The following PTPRD variants were observed in gnomAD, a reference collection of about 807,000 sequenced individuals.
PTPRD encodes the protein protein tyrosine phosphatase receptor type D, also known as receptor-type tyrosine-protein phosphatase delta.
In PTPRD, 34 loss-of-function variants were observed where a neutral mutation model predicts 214.5. That is an observed-to-expected ratio of 0.16 (90% CI 0.12 to 0.21). The LOEUF is 0.21. Among genes scored for constraint, PTPRD ranks in the 10% least tolerant of loss-of-function variants. The probability of loss-of-function intolerance (pLI) is 1.00; values close to 1 mark genes in which losing one functional copy is unlikely to be tolerated. For missense variants in PTPRD, 2,545 were observed against 2,398.7 expected (o/e 1.06, Z -1.27); for synonymous variants, 1,128 against 845.7 (o/e 1.33, Z -5.79).
At chr9:8,532,200 G>C (rs577984465) in intron 14 of PTPRD, among the ~76,000 whole-genome samples, 167 of 152,102 alleles carry the variant, frequency 1.1e-3, no homozygotes, top group African/African-American at 3.9e-3. Flanking sequence ...GCTGTTACAC[G>C]TTGACAGTTG....
intron 3 of PTPRD, among the ~76,000 whole-genome samples, chr9:10,039,280 AC>A (rs2154140397): frequency 6.6e-6 from 1 of 152,242 alleles, no homozygotes; most frequent in African/African-American, 2.4e-5. Flanking sequence ...GAAAATGAAT[AC>A]AAAGAAAGAC....
chr9:9,944,104 A>G lies in PTPRD; in HGVS notation c.-471-5494T>C, dbSNP rs80132083. Among the ~76,000 whole-genome samples the G allele has an allele frequency of 4.8e-3, 732 of 152,306 alleles. 6 individuals are homozygous for G. The highest frequency in any genetic ancestry group is 0.017 in the African/African-American group (707 of 41,574). On this transcript the variant is annotated intron_variant, in intron 4 of 45. Coordinates refer to ENST00000381196, the MANE Select transcript of PTPRD (RefSeq NM_002839.4). ...AGGAGAAAGGCTTAGCCTGTTAGTC[A>G]CAAGACAGAAAACCTTCCAGTGACG...
At chr9:10,247,211 C>A (rs2092249038) in intron 3 of PTPRD, among the ~76,000 whole-genome samples, 1 of 152,110 alleles carries the variant, frequency 6.6e-6, no homozygotes, top group African/African-American at 2.4e-5. Flanking sequence ...CCTAGAGAGA[C>A]AATAGTATCT....
At chr9:10,479,606 C>A (rs890229954) in intron 2 of PTPRD, among the ~76,000 whole-genome samples, 4 of 114,776 alleles carry the variant, frequency 3.5e-5, no homozygotes. Context: ...CACGGTGAAA[C>A]CCCATCTCTA....
intron 9 of PTPRD, among the ~76,000 whole-genome samples, chr9:9,241,113 G>A (rs572187431): frequency 1.3e-5 from 2 of 152,206 alleles, no homozygotes; most frequent in Admixed American, 6.6e-5. Context: ...GAATTAATTC[G>A]TGGGTCTAAA....
At chr9:9,779,443 C>T (rs2098826083) in intron 5 of PTPRD, among the ~76,000 whole-genome samples, 1 of 152,112 alleles carries the variant, frequency 6.6e-6, no homozygotes. Context: ...GAAATATTCA[C>T]AACCTATGCA....
chr9:10,317,103 A>C (rs895608611), intron 3 of PTPRD, among the ~76,000 whole-genome samples: 9 of 151,958 alleles, frequency 5.9e-5, no homozygotes, highest in African/African-American at 2.2e-4. Flanking sequence ...TTCCCTTGTG[A>C]CACTGGCTAT....
chr9:10,027,670 C>T lies in PTPRD; in HGVS notation c.-472+6048G>A, dbSNP rs564451726. Among the ~76,000 whole-genome samples, 138 of 152,030 alleles carry T rather than the reference C, an allele frequency of 9.1e-4. 1 individual carries two copies. The highest frequency in any genetic ancestry group is 3.1e-3 in the African/African-American group (128 of 41,450). ...GAAAAATTTTGAGCATTGAACTTGTCATGGTTATGGCAAAAAATACATTTT... is the reference window on the plus strand; with the variant it reads ...GAAAAATTTTGAGCATTGAACTTGTTATGGTTATGGCAAAAAATACATTTT... On this transcript the variant is annotated intron_variant, in intron 4 of 45. Transcript: ENST00000381196.
chr9:8,434,840 A>C (rs944727996), intron 35 of PTPRD, among the ~76,000 whole-genome samples: 1 of 152,192 alleles, frequency 6.6e-6, no homozygotes, highest in African/African-American at 2.4e-5. Flanking sequence ...CTAAGCCCTA[A>C]ATTAGAAACT....
Position 9,674,383 on chromosome 9 carries a change from G to C in PTPRD, c.-287+60150C>G, listed in dbSNP as rs141204152. Among the ~76,000 whole-genome samples, 336 of 151,412 alleles carry C rather than the reference G, an allele frequency of 2.2e-3. 1 individual carries two copies. The highest frequency in any genetic ancestry group is 7.7e-3 in the African/African-American group (320 of 41,372). On this transcript the variant is annotated intron_variant, in intron 7 of 45. Transcript: ENST00000381196. ...TCCGTGATAAAGTGCAACAATGAAA[G>C]ATGGGAACAACAACATTAAATTGAA...
intron 5 of PTPRD, among the ~76,000 whole-genome samples, chr9:9,797,359 A>G (rs1232929714): frequency 6.6e-6 from 1 of 150,488 alleles, no homozygotes; most frequent in African/African-American, 2.4e-5. Context: ...TAAATTACAT[A>G]TTTAAAATGT....
intron 5 of PTPRD, among the ~76,000 whole-genome samples, chr9:9,818,454 A>C (rs1373567962): frequency 6.6e-6 from 1 of 152,150 alleles, no homozygotes; most frequent in Non-Finnish European, 1.5e-5. Flanking sequence ...GAGGTTCCAG[A>C]AACATTATTT....
intron 8 of PTPRD, chr9:9,414,870 C>T (rs1021632090): frequency 6.6e-6 from 1 of 152,086 alleles, no homozygotes; most frequent in Non-Finnish European, 1.5e-5. Context: ...GAAATAGAAA[C>T]ACATAAAATT....
intron 11 of PTPRD, among the ~76,000 whole-genome samples, chr9:8,762,664 G>T (rs2094483436): frequency 1.3e-5 from 2 of 152,110 alleles, no homozygotes; most frequent in Admixed American, 1.3e-4. Flanking sequence ...CTCAGGAAAA[G>T]AAATATTTAT....
intron 9 of PTPRD, among the ~76,000 whole-genome samples, chr9:9,245,716 A>G (rs1037223589): frequency 6.6e-6 from 1 of 152,128 alleles, no homozygotes; most frequent in African/African-American, 2.4e-5. Context: ...ACATGTATAC[A>G]TATGTAACAA....
chr9:8,642,177 T>C (rs72698284), intron 12 of PTPRD, among the ~76,000 whole-genome samples: 16,670 of 152,118 alleles, frequency 0.11, 1,104 homozygotes, highest in Middle Eastern at 0.14. Context: ...AACAGATTCA[T>C]AGAAAGGATC....
intron 7 of PTPRD, among the ~76,000 whole-genome samples, chr9:9,609,373 C>CA (rs2094386409): frequency 6.6e-6 from 1 of 151,906 alleles, no homozygotes; most frequent in Non-Finnish European, 1.5e-5. Flanking sequence ...CTTAAAAAAA[C>CA]AAAAACAAAA....
intron 4 of PTPRD, among the ~76,000 whole-genome samples, chr9:9,940,512 C>T (rs2091151892): frequency 6.6e-6 from 1 of 152,122 alleles, no homozygotes. Flanking sequence ...CCTATCTCTA[C>T]CTAGATGTAT....
intron 10 of PTPRD, chr9:9,090,987 G>A: frequency 6.4e-7 from 1 of 1,574,618 alleles, no homozygotes; most frequent in Non-Finnish European, 8.6e-7. Flanking sequence ...CCCGATGCAT[G>A]CCCAAGGACA....
Sources: allele counts gnomAD v4.1 joint callset (sites outside exome capture counted in the v4.1 genomes callset), GRCh38; gene constraint gnomAD v4.1.1; transcripts MANE v1.5; gene names NCBI Gene and HGNC (gene_info 2026-07-23, HGNC 2026-07-21).